Variants in CAPZA1 observed in about 807,000 individuals in gnomAD.
CAPZA1 encodes F-actin-capping protein subunit alpha-1.
CAPZA1 carries 10 observed loss-of-function variants against 40.8 expected under a neutral mutation model. The ratio of observed to expected loss-of-function variants is 0.25; its 90% CI spans 0.15 to 0.42. CAPZA1 has a LOEUF of 0.42. Ranked by LOEUF, CAPZA1 falls within the 10% of genes least tolerant of loss-of-function variation. The pLI, the probability that CAPZA1 is intolerant of heterozygous loss-of-function variation, is 1.00. For missense variants in CAPZA1, 277 were observed against 353.8 expected (o/e 0.78, Z 1.74); for synonymous variants, 98 against 115.0 (o/e 0.85, Z 0.95).
chr1:112,658,941 A>T, intron 5 of CAPZA1, 81 bp from the exon 6 acceptor site: 1 of 1,020,462 alleles, frequency 9.8e-7, no homozygotes, highest in Non-Finnish European at 1.6e-6. Context: ...CCAAGGATTT[A>T]ACACTCTGCT....
At chr1:112,657,744 A>G (rs767500747) in intron 5 of CAPZA1, among the ~76,000 whole-genome samples, 1 of 151,996 alleles carries the variant, frequency 6.6e-6, no homozygotes, top group African/African-American at 2.4e-5. Flanking sequence ...GGTGCCCACC[A>G]CCACACCTGG....
rs1671299886 is a variant in CAPZA1, at chr1:112,647,320, A to T, written c.103+47A>T. On this transcript the variant is annotated intron_variant, in intron 2 of 9. Coordinates refer to ENST00000263168, the MANE Select transcript of CAPZA1 (RefSeq NM_006135.3). Reference sequence around the variant, plus strand: ...AATCCCTCCTTAATTACCATTATTTATTGAGTACTTGCTGTCTGTTTTAAT... The same window carrying T: ...AATCCCTCCTTAATTACCATTATTTTTTGAGTACTTGCTGTCTGTTTTAAT... The T allele has an allele frequency of 3.2e-6, 3 of 947,176 alleles. No individual in the cohort carries two copies. In the African/African-American group the frequency reaches 5.0e-5, roughly 16 times the overall value. The allele number at this position is 947,176 out of a possible 1,614,324, so 58.7% of individuals were successfully genotyped here. A position where few individuals can be genotyped will look rare whatever the true frequency, so the allele number is the denominator to read the frequency against.
chr1:112,626,532 A>G (rs1254091471), intron 1 of CAPZA1, among the ~76,000 whole-genome samples: 1 of 152,142 alleles, frequency 6.6e-6, no homozygotes. Context: ...CAAGTAGCCA[A>G]TATTACCAAT....
intron 3 of CAPZA1, 135 bp from the exon 4 acceptor site, chr1:112,653,463 G>A (rs1671437681): frequency 1.1e-5 from 7 of 619,990 alleles, no homozygotes; most frequent in African/African-American, 1.9e-5. Flanking sequence ...CTGGGGAGAA[G>A]GGAAAAGTAC....
chr1:112,633,018 G>A (rs540645341), intron 1 of CAPZA1, among the ~76,000 whole-genome samples: 4 of 152,256 alleles, frequency 2.6e-5, no homozygotes, highest in African/African-American at 9.6e-5. Context: ...AGTACATTCT[G>A]TGTATCTCCA....
chr1:112,646,059 CA>C (rs1367114317), intron 1 of CAPZA1, among the ~76,000 whole-genome samples: 4 of 151,798 alleles, frequency 2.6e-5, no homozygotes, highest in Non-Finnish European at 5.9e-5. Flanking sequence ...CATAAAATGA[CA>C]AAAAAGATAA....
At chr1:112,625,703 T>G (rs1265848772) in intron 1 of CAPZA1, among the ~76,000 whole-genome samples, 1 of 152,220 alleles carries the variant, frequency 6.6e-6, no homozygotes, top group Non-Finnish European at 1.5e-5. Flanking sequence ...CACAGGACTT[T>G]CAGCTTCCCA....
At position 112,633,492 on chromosome 1, in the gene CAPZA1, G is replaced by C. The variant is rs1670961029; in HGVS notation, c.39+13609G>C. Among the ~76,000 whole-genome samples, 5 of 152,216 alleles carry C rather than the reference G, an allele frequency of 3.3e-5. No individual in the cohort carries two copies. In the South Asian group the frequency reaches 1.0e-3, roughly 32 times the overall value. On this transcript the variant is annotated intron_variant, in intron 1 of 9. Transcript: ENST00000263168. The stretch of plus-strand genomic sequence containing the variant: ...CATTTTCTTTATCCATTCATCTGTT[G>C]AGTTGATTGATACTTAGGTTACTTT...
In CAPZA1 at chr1:112,670,113, A is replaced by C. The variant is rs761161086; in HGVS notation, c.842A>C (p.Lys281Thr). ...AAGATACTCAGCTACAAGATTGGCAAAGAAATGCAGAATGCTTAAAGGCTG... is the reference window on the plus strand; with the variant it reads ...AAGATACTCAGCTACAAGATTGGCACAGAAATGCAGAATGCTTAAAGGCTG... The part of the protein sequence containing the change: ...WNKILSYKIG[K>T]EMQNA Residue 281 changes from lysine (K) to threonine (T), a missense_variant, in exon 10 of 10, where the codon AAA becomes ACA. Coordinates refer to ENST00000263168, the MANE Select transcript of CAPZA1 (RefSeq NM_006135.3). 3.1e-6 allele frequency: 5 copies of C among 1,614,002 alleles called. No individual in the cohort carries two copies. In the South Asian group the frequency reaches 5.5e-5, roughly 18 times the overall value.
intron 7 of CAPZA1, among the ~76,000 whole-genome samples, chr1:112,665,105 C>G (rs1671697718): frequency 6.6e-6 from 1 of 151,874 alleles, no homozygotes; most frequent in Non-Finnish European, 1.5e-5. Flanking sequence ...TGCTTTATCC[C>G]TCAAAACATT....
At chr1:112,652,815 C>T (rs1364367245) in intron 3 of CAPZA1, among the ~76,000 whole-genome samples, 1 of 152,058 alleles carries the variant, frequency 6.6e-6, no homozygotes, top group Non-Finnish European at 1.5e-5. Context: ...TTGTCTTTTG[C>T]TTTAGCTTTG....
intron 5 of CAPZA1, among the ~76,000 whole-genome samples, chr1:112,655,721 C>T (rs936556163): frequency 6.6e-6 from 1 of 151,960 alleles, no homozygotes; most frequent in Admixed American, 6.6e-5. Flanking sequence ...CACCACCACA[C>T]CTGGCTAATT....
intron 5 of CAPZA1, among the ~76,000 whole-genome samples, chr1:112,655,277 C>T (rs189448959): frequency 1.2e-3 from 181 of 152,136 alleles, no homozygotes; most frequent in African/African-American, 4.0e-3. Flanking sequence ...GCCAGGAGTT[C>T]GAGACCAGCC....
chr1:112,665,178 G>T (rs1224525012), intron 7 of CAPZA1, among the ~76,000 whole-genome samples: 6 of 128,918 alleles, frequency 4.7e-5, no homozygotes, highest in African/African-American at 5.8e-5. Flanking sequence ...GTTTTTTTGT[G>T]TTTTTTTTTT....
At chr1:112,648,409 C>T (rs545405192) in intron 2 of CAPZA1, among the ~76,000 whole-genome samples, 38 of 131,246 alleles carry the variant, frequency 2.9e-4, no homozygotes, top group African/African-American at 1.0e-3. Context: ...AGTGCAGTGG[C>T]GTGATCTTGG....
At chr1:112,628,910 C>T (rs956814956) in intron 1 of CAPZA1, among the ~76,000 whole-genome samples, 1 of 152,226 alleles carries the variant, frequency 6.6e-6, no homozygotes, top group Non-Finnish European at 1.5e-5. Flanking sequence ...TTTCTTACCA[C>T]ACCCTTATTC....
chr1:112,667,339 A>G (rs1671743208), intron 8 of CAPZA1, among the ~76,000 whole-genome samples, 194 bp downstream of exon 8: 1 of 152,224 alleles, frequency 6.6e-6, no homozygotes, highest in African/African-American at 2.4e-5. Context: ...CACAATATTG[A>G]TTATGACTTT....
At chr1:112,657,665 C>T (rs1256177564) in intron 5 of CAPZA1, among the ~76,000 whole-genome samples, 2 of 152,076 alleles carry the variant, frequency 1.3e-5, no homozygotes, top group African/African-American at 4.8e-5. Flanking sequence ...GATCTCAGCT[C>T]ACTGCAACCT....
chr1:112,645,117 A>G (rs1407949225), intron 1 of CAPZA1, among the ~76,000 whole-genome samples: 1 of 152,152 alleles, frequency 6.6e-6, no homozygotes, highest in Non-Finnish European at 1.5e-5. Flanking sequence ...GCTCACTCAG[A>G]AGATAAACTG....
Sources: gnomAD v4.1 joint callset for allele counts (sites outside exome capture counted in the v4.1 genomes callset) on GRCh38, gnomAD v4.1.1 for gene constraint, MANE v1.5 for transcripts, NCBI Gene and HGNC (gene_info 2026-07-23, HGNC 2026-07-21) for gene names.